The following CADM2 variants were observed in gnomAD, a reference collection of about 807,000 sequenced individuals.
CADM2 encodes immunoglobulin superfamily member 4D.
A neutral mutation model predicts 49.8 loss-of-function variants in CADM2; 12 were observed. That is an observed-to-expected ratio of 0.24 (90% CI 0.15 to 0.39). CADM2 has a LOEUF of 0.39. Among genes scored for constraint, CADM2 ranks in the 10% least tolerant of loss-of-function variants. The pLI is 1.00. For missense variants in CADM2, 378 were observed against 492.3 expected (o/e 0.77, Z 2.20); for synonymous variants, 214 against 175.4 (o/e 1.22, Z -1.74).
intron 3 of CADM2, among the ~76,000 whole-genome samples, chr3:85,825,503 A>G (rs546015444): frequency 3.3e-4 from 50 of 152,186 alleles, no homozygotes; most frequent in Admixed American, 1.4e-3. Flanking sequence ...ATTGTAAGCC[A>G]GAGGACAGGG....
intron 1 of CADM2, among the ~76,000 whole-genome samples, chr3:85,378,931 C>T (rs2033744207): frequency 6.6e-6 from 1 of 151,792 alleles, no homozygotes; most frequent in African/African-American, 2.4e-5. Flanking sequence ...CAAATAAACT[C>T]AGTTATTTTC....
rs1167487216 is a variant in CADM2 at position 85,451,661 on chromosome 3, T to C, written c.62-274861T>C. Among the ~76,000 whole-genome samples the C allele has an allele frequency of 2.6e-5, 4 of 152,210 alleles. No homozygotes were observed. In the East Asian group the frequency reaches 5.8e-4, roughly 22 times the overall value. On this transcript the variant is annotated intron_variant, in intron 1 of 9. Transcript: ENST00000383699. ...TTCACATCATAGGCTCTTAGTAATT[T>C]ATTAGTTAGTGAGTGAATGGATTAT...
At chr3:85,802,851 GCTTTCATCCAT>G (rs1328656946) in intron 3 of CADM2, among the ~76,000 whole-genome samples, 1 of 151,968 alleles carries the variant, frequency 6.6e-6, no homozygotes, top group Non-Finnish European at 1.5e-5. Context: ...AAATGTCTAA[GCTTTCATCCAT>G]TATTAGATGA....
chr3:85,701,971 CATAGATAG>C (rs57418964), intron 1 of CADM2, among the ~76,000 whole-genome samples: 16,499 of 134,040 alleles, frequency 0.12, 988 homozygotes, highest in Admixed American at 0.17. Flanking sequence ...GATAGATAGA[CATAGATAG>C]ATAGATAGAT....
At position 85,007,928 on chromosome 3, in the gene CADM2, C is replaced by T. The variant is rs539266246; in HGVS notation, c.61+48260C>T. On this transcript the variant is annotated intron_variant, in intron 1 of 9. Transcript: ENST00000383699. The stretch of plus-strand genomic sequence containing the variant: ...GGAGGCAGTCATTACTCTAGTTGGC[C>T]TTGTCAGAAAAGCTAATGACATGCA... Among the ~76,000 whole-genome samples, 6 of 152,232 alleles carry T rather than the reference C, an allele frequency of 3.9e-5. No homozygotes were observed. The South Asian group carries it at 1.2e-3, about 32-fold the overall frequency.
chr3:85,688,498 C>A (rs2066281225), intron 1 of CADM2, among the ~76,000 whole-genome samples: 1 of 151,874 alleles, frequency 6.6e-6, no homozygotes, highest in Non-Finnish European at 1.5e-5. Context: ...TTCTCATGCA[C>A]CACCACTGAG....
chr3:85,925,059 ATT>A (rs1270226888), intron 6 of CADM2, among the ~76,000 whole-genome samples: 4 of 152,010 alleles, frequency 2.6e-5, no homozygotes, highest in African/African-American at 9.7e-5. Flanking sequence ...CCTCTAGAAA[ATT>A]TCTACCAGAT....
chr3:85,274,521 G>A (rs1479436796), intron 1 of CADM2, among the ~76,000 whole-genome samples: 1 of 151,440 alleles, frequency 6.6e-6, no homozygotes, highest in Admixed American at 6.6e-5. Flanking sequence ...TTCAAGATGG[G>A]AGGAGAGGGG....
chr3:85,928,107 A>C (rs1169757855), intron 6 of CADM2, among the ~76,000 whole-genome samples: 1 of 151,908 alleles, frequency 6.6e-6, no homozygotes, highest in East Asian at 1.9e-4. Flanking sequence ...AAAGTGAGCT[A>C]TCCTTACTTC....
intron 1 of CADM2, among the ~76,000 whole-genome samples, chr3:85,047,791 T>G (rs986388718): frequency 1.3e-5 from 2 of 152,140 alleles, no homozygotes; most frequent in Non-Finnish European, 2.9e-5. Context: ...TGACCACTTT[T>G]GAATAATCAA....
chr3:85,104,551 G>A (rs1047328562), intron 1 of CADM2, among the ~76,000 whole-genome samples: 3 of 152,052 alleles, frequency 2.0e-5, no homozygotes, highest in Non-Finnish European at 2.9e-5. Flanking sequence ...TTGGCGATGC[G>A]GGCTCTTTTT....
intron 1 of CADM2, among the ~76,000 whole-genome samples, chr3:85,448,851 C>T (rs1251091816): frequency 6.6e-6 from 1 of 151,616 alleles, no homozygotes; most frequent in Non-Finnish European, 1.5e-5. Context: ...GAGATCGAGA[C>T]CATCCTGGCT....
intron 1 of CADM2, among the ~76,000 whole-genome samples, chr3:85,238,561 A>C (rs774985439): frequency 3.3e-5 from 5 of 151,686 alleles, no homozygotes; most frequent in Non-Finnish European, 7.4e-5. Flanking sequence ...AAGGGCCCAA[A>C]GGGAAAAGTC....
chr3:86,039,205 T>G (rs1735534774), intron 8 of CADM2, among the ~76,000 whole-genome samples: 1 of 151,552 alleles, frequency 6.6e-6, no homozygotes, highest in Non-Finnish European at 1.5e-5. Flanking sequence ...CACTTGGGAG[T>G]GTCGGAAAGT....
chr3:85,634,326 A>G (rs1238511421), intron 1 of CADM2, among the ~76,000 whole-genome samples: 1 of 152,052 alleles, frequency 6.6e-6, no homozygotes, highest in African/African-American at 2.4e-5. Context: ...ATAGGTGTAT[A>G]TTTTATGATA....
At chr3:85,620,077 G>T (rs1420874434) in intron 1 of CADM2, among the ~76,000 whole-genome samples, 1 of 152,108 alleles carries the variant, frequency 6.6e-6, no homozygotes, top group African/African-American at 2.4e-5. Flanking sequence ...CTATTTGCAG[G>T]CAGCATTGAT....
chr3:85,761,446 G>A (rs2069377215), intron 2 of CADM2, among the ~76,000 whole-genome samples: 1 of 138,544 alleles, frequency 7.2e-6, no homozygotes, highest in South Asian at 2.3e-4. Context: ...GCATGATCTC[G>A]GCTCGCTGCA....
At chr3:86,063,182 G>A (rs17024815) in intron 8 of CADM2, among the ~76,000 whole-genome samples, 5,749 of 152,130 alleles carry the variant, frequency 0.038, 346 homozygotes, top group African/African-American at 0.13. Flanking sequence ...CCAACTCAAA[G>A]CTCAAGATCC....
chr3:85,871,129 C>T (rs1362023961), intron 3 of CADM2, among the ~76,000 whole-genome samples: 1 of 152,102 alleles, frequency 6.6e-6, no homozygotes, highest in Admixed American at 6.5e-5. Context: ...AAAATGCTTG[C>T]AAACTATGCA....
Sources: allele counts gnomAD v4.1 joint callset (sites outside exome capture counted in the v4.1 genomes callset), GRCh38; gene constraint gnomAD v4.1.1; transcripts MANE v1.5; gene names NCBI Gene and HGNC (gene_info 2026-07-23, HGNC 2026-07-21).